TAFA1: variants seen among roughly 807,000 people sequenced by gnomAD.
TAFA1 encodes TAFA chemokine like family member 1, also known as chemokine-like protein TAFA-1.
In TAFA1, 4 loss-of-function variants were observed where a neutral mutation model predicts 18.5. That is an observed-to-expected ratio of 0.22 (90% CI 0.11 to 0.49). The LOEUF (loss-of-function observed/expected upper bound fraction) is 0.49, where lower values mean the gene tolerates loss of function less well. Ranked by LOEUF, TAFA1 falls within the 20% of genes least tolerant of loss-of-function variation. The pLI is 0.98. For synonymous variants in TAFA1, 56 were observed against 55.2 expected, an observed-to-expected ratio of 1.01 and a Z score of -0.06; for missense variants, 147 against 169.0, an observed-to-expected ratio of 0.87 and a Z score of 0.72.
chr3:68,173,107 A>C (rs1051878451), intron 2 of TAFA1, among the ~76,000 whole-genome samples: 1 of 152,104 alleles, frequency 6.6e-6, no homozygotes, highest in Non-Finnish European at 1.5e-5. Context: ...AGTATCCCAT[A>C]AGCCACAGTA....
At chr3:68,105,366 G>A (rs191168208) in intron 2 of TAFA1, among the ~76,000 whole-genome samples, 188 of 152,198 alleles carry the variant, frequency 1.2e-3, no homozygotes, top group African/African-American at 4.3e-3. Flanking sequence ...AAACACAGTC[G>A]TGTCAAAATA....
intron 2 of TAFA1, among the ~76,000 whole-genome samples, chr3:68,289,310 T>G (rs1339545605): frequency 2.6e-5 from 4 of 152,228 alleles, no homozygotes; most frequent in Admixed American, 2.6e-4. Context: ...TGCTCCATTT[T>G]AATGTGGTCC....
At chr3:68,202,880 C>T (rs771979754) in intron 2 of TAFA1, among the ~76,000 whole-genome samples, 30 of 151,412 alleles carry the variant, frequency 2.0e-4, no homozygotes, top group Admixed American at 5.9e-4. Context: ...TTATTTTACC[C>T]TCACTTAGTT....
chr3:67,992,205 T>G, the TAFA1 span, among the ~76,000 whole-genome samples: 1 of 152,226 alleles, frequency 6.6e-6, no homozygotes, highest in Admixed American at 6.5e-5. Context: ...CTTGGCTGTT[T>G]ACAATAAGCA....
At chr3:68,490,096 T>C (rs1427097400) in intron 3 of TAFA1, among the ~76,000 whole-genome samples, 2 of 152,228 alleles carry the variant, frequency 1.3e-5, no homozygotes, top group Non-Finnish European at 2.9e-5. Flanking sequence ...AATTCAAATT[T>C]TGGGAAATTT....
intron 3 of TAFA1, among the ~76,000 whole-genome samples, chr3:68,423,016 CT>C (rs1184770092): frequency 6.6e-6 from 1 of 151,644 alleles, no homozygotes; most frequent in Admixed American, 6.6e-5. Context: ...CAAAACACAC[CT>C]ATTTATTTGA....
chr3:68,390,736 A>G (rs1339953860), intron 2 of TAFA1, among the ~76,000 whole-genome samples: 3 of 152,212 alleles, frequency 2.0e-5, no homozygotes, highest in African/African-American at 7.2e-5. Flanking sequence ...ACCTCCAGCA[A>G]ACTCCAGCAG....
At chr3:68,328,292 C>T (rs984006092) in intron 2 of TAFA1, among the ~76,000 whole-genome samples, 7 of 152,094 alleles carry the variant, frequency 4.6e-5, no homozygotes, top group Non-Finnish European at 8.8e-5. Flanking sequence ...GTTGAAATTA[C>T]CAATTTCATA....
At chr3:68,521,649 T>G (rs576220798) in intron 3 of TAFA1, among the ~76,000 whole-genome samples, 1 of 152,272 alleles carries the variant, frequency 6.6e-6, no homozygotes, top group Middle Eastern at 3.4e-3. Context: ...GACAGTTATT[T>G]GGCATGTGGT....
chr3:68,395,197 C>A (rs1348180389), intron 2 of TAFA1, among the ~76,000 whole-genome samples: 2 of 151,742 alleles, frequency 1.3e-5, no homozygotes, highest in East Asian at 1.9e-4. Flanking sequence ...GAAAAAAAAA[C>A]TCATCACTGG....
chr3:68,188,821 T>C (rs889074981), intron 2 of TAFA1, among the ~76,000 whole-genome samples: 7 of 152,090 alleles, frequency 4.6e-5, no homozygotes, highest in Non-Finnish European at 7.4e-5. Context: ...TGATTAATTT[T>C]TATCATCCAG....
intron 2 of TAFA1, among the ~76,000 whole-genome samples, chr3:68,398,454 A>G (rs1468825965): frequency 1.3e-5 from 2 of 152,162 alleles, no homozygotes; most frequent in African/African-American, 4.8e-5. Flanking sequence ...TAAAACCTAA[A>G]ACCATAAAAA....
chr3:68,403,815 G>C (rs1389724605), intron 2 of TAFA1, among the ~76,000 whole-genome samples: 5 of 152,172 alleles, frequency 3.3e-5, no homozygotes, highest in African/African-American at 1.2e-4. Context: ...GAGAGCCCTG[G>C]AAGGTCTTGC....
At chr3:68,283,974 C>G (rs2067949637) in intron 2 of TAFA1, among the ~76,000 whole-genome samples, 1 of 152,194 alleles carries the variant, frequency 6.6e-6, no homozygotes. Flanking sequence ...AAGCCAAGAC[C>G]TGATATTTCC....
At chr3:68,114,483 A>T (rs542622645) in intron 2 of TAFA1, among the ~76,000 whole-genome samples, 47 of 152,384 alleles carry the variant, frequency 3.1e-4, no homozygotes, top group African/African-American at 1.1e-3. Context: ...CAATAAACTT[A>T]TGAGATGATG....
chr3:68,429,874 A>G (rs577053380), intron 3 of TAFA1, among the ~76,000 whole-genome samples: 2 of 152,066 alleles, frequency 1.3e-5, no homozygotes, highest in East Asian at 3.9e-4. Flanking sequence ...AACAGCCTGT[A>G]TAACATTTCT....
chr3:68,460,474 T>C lies in TAFA1; in HGVS notation c.259+43054T>C, dbSNP rs187395207. Among the ~76,000 whole-genome samples the C allele has an allele frequency of 8.5e-5, 13 of 152,170 alleles. 1 individual carries two copies. Among genetic ancestry groups the C allele is most frequent in the Admixed American group, 8.5e-4 (13 of 15,266 alleles). Reference sequence around the variant, plus strand: ...GACAGACTTTTAGCATAATATGGTATAGGGTACATGCTAGCAGGAACGTAA... The same window carrying C: ...GACAGACTTTTAGCATAATATGGTACAGGGTACATGCTAGCAGGAACGTAA... On this transcript the variant is annotated intron_variant, in intron 3 of 4. Transcript: ENST00000478136.
intron 2 of TAFA1, among the ~76,000 whole-genome samples, chr3:68,372,657 G>A (rs1052546927): frequency 6.6e-6 from 1 of 152,134 alleles, no homozygotes; most frequent in Non-Finnish European, 1.5e-5. Flanking sequence ...TTGTTTTCAG[G>A]AAGAAGCCAA....
chr3:68,102,233 C>G (rs1400568957), intron 2 of TAFA1, among the ~76,000 whole-genome samples: 2 of 152,114 alleles, frequency 1.3e-5, no homozygotes, highest in African/African-American at 4.8e-5. Context: ...CCGATGGCAT[C>G]TCTTAACGTT....
Sources: gnomAD v4.1 joint callset for allele counts (sites outside exome capture counted in the v4.1 genomes callset) on GRCh38, gnomAD v4.1.1 for gene constraint, MANE v1.5 for transcripts, NCBI Gene and HGNC (gene_info 2026-07-23, HGNC 2026-07-21) for gene names.